PTPRD: variants seen among roughly 807,000 people sequenced by gnomAD.
The protein encoded by PTPRD is receptor-type tyrosine-protein phosphatase delta.
Under a neutral mutation model 214.5 loss-of-function variants are expected in PTPRD, and 34 were observed. The observed-to-expected ratio is 0.16, with a 90% confidence interval of 0.12 to 0.21. The LOEUF (loss-of-function observed/expected upper bound fraction) is 0.21. Ranked by LOEUF, PTPRD falls within the 10% of genes least tolerant of loss-of-function variation. PTPRD has a pLI of 1.00. For missense variants in PTPRD, 2,545 were observed against 2,398.7 expected (o/e 1.06, Z -1.27); for synonymous variants, 1,128 against 845.7 (o/e 1.33, Z -5.79).
intron 9 of PTPRD, among the ~76,000 whole-genome samples, chr9:9,393,672 C>T (rs1333765458): frequency 1.3e-5 from 2 of 152,136 alleles, no homozygotes; most frequent in Non-Finnish European, 1.5e-5. Flanking sequence ...TTAAATTCAG[C>T]CTCCATTATT....
intron 10 of PTPRD, among the ~76,000 whole-genome samples, chr9:9,050,896 G>C (rs1384116417): frequency 6.6e-6 from 1 of 152,142 alleles, no homozygotes; most frequent in Admixed American, 6.6e-5. Context: ...AAACACAATA[G>C]ATATAGGGTT....
chr9:10,518,669 A>G (rs933830734), intron 2 of PTPRD, among the ~76,000 whole-genome samples: 1 of 151,838 alleles, frequency 6.6e-6, no homozygotes, highest in Non-Finnish European at 1.5e-5. Flanking sequence ...AGTAGCTGGG[A>G]CTACAGGCGC....
intron 2 of PTPRD, among the ~76,000 whole-genome samples, chr9:10,378,206 G>A (rs976708816): frequency 6.6e-6 from 1 of 151,826 alleles, no homozygotes. Flanking sequence ...TAAATGTTCT[G>A]GTTATTTATC....
At chr9:9,956,612 C>T (rs923610582) in intron 4 of PTPRD, among the ~76,000 whole-genome samples, 1 of 151,942 alleles carries the variant, frequency 6.6e-6, no homozygotes, top group African/African-American at 2.4e-5. Flanking sequence ...GTATTAAATA[C>T]TTATTCTTCA....
chr9:9,298,312 T>G (rs1169854345), intron 9 of PTPRD, among the ~76,000 whole-genome samples: 1 of 151,676 alleles, frequency 6.6e-6, no homozygotes, highest in African/African-American at 2.4e-5. Flanking sequence ...CCTTTGTACA[T>G]GAAAAGATTT....
At chr9:9,642,173 C>G (rs899109695) in intron 7 of PTPRD, among the ~76,000 whole-genome samples, 1 of 143,924 alleles carries the variant, frequency 6.9e-6, no homozygotes, top group South Asian at 2.3e-4. Flanking sequence ...GAACAAAAAA[C>G]CAAACACCGT....
rs543916243 is a variant in PTPRD, at chr9:9,511,907, G to C, written c.-237+62825C>G. 7.9e-5 allele frequency among the ~76,000 whole-genome samples: 12 copies of C among 151,726 alleles called. No homozygotes were observed. In the Admixed American group the frequency reaches 7.9e-4, roughly 10 times the overall value. On this transcript the variant is annotated intron_variant, in intron 8 of 45. Transcript: ENST00000381196. Reference sequence around the variant, plus strand: ...AAGGATGAGCAAATTTTTCATAGAAGACCTAAAACTGCTATTTGCATTCTT... The same window carrying C: ...AAGGATGAGCAAATTTTTCATAGAACACCTAAAACTGCTATTTGCATTCTT...
At position 8,703,614 on chromosome 9, in the gene PTPRD, C is replaced by T. The variant is rs76710623; in HGVS notation, c.64+30166G>A. 3.9e-3 allele frequency among the ~76,000 whole-genome samples: 592 copies of T among 152,270 alleles called. 2 individuals are homozygous for T. The highest frequency in any genetic ancestry group is 0.014 in the African/African-American group (572 of 41,534). ...CTTTCTCTTTTCTCCTGTTTCCCCTCGACTTCTCATCCTCACCTCTATTAA... is the reference window on the plus strand; with the variant it reads ...CTTTCTCTTTTCTCCTGTTTCCCCTTGACTTCTCATCCTCACCTCTATTAA... On this transcript the variant is annotated intron_variant, in intron 12 of 45. Transcript: ENST00000381196.
chr9:10,095,806 T>C (rs1171574512), intron 3 of PTPRD, among the ~76,000 whole-genome samples: 1 of 151,572 alleles, frequency 6.6e-6, no homozygotes, highest in Admixed American at 6.6e-5. Flanking sequence ...GTATACATAA[T>C]AGTTTGAATG....
intron 11 of PTPRD, among the ~76,000 whole-genome samples, chr9:8,749,538 G>C (rs1055559743): frequency 3.7e-4 from 57 of 152,110 alleles, no homozygotes; most frequent in African/African-American, 1.3e-3. Context: ...AGACAAAAAT[G>C]ACATATTTTA....
At chr9:8,461,705 T>C (rs2096409049) in intron 32 of PTPRD, among the ~76,000 whole-genome samples, 1 of 151,976 alleles carries the variant, frequency 6.6e-6, no homozygotes, top group Non-Finnish European at 1.5e-5. Flanking sequence ...CTTTTATCTC[T>C]GGCTCTCTCA....
intron 7 of PTPRD, among the ~76,000 whole-genome samples, chr9:9,656,820 C>A (rs1157537762): frequency 6.6e-6 from 1 of 151,922 alleles, no homozygotes; most frequent in African/African-American, 2.4e-5. Context: ...ATGTACTTCT[C>A]TGGTGGGGGA....
chr9:9,924,106 T>C, intron 5 of PTPRD, among the ~76,000 whole-genome samples: 1 of 152,072 alleles, frequency 6.6e-6, no homozygotes, highest in Admixed American at 6.6e-5. Context: ...TATGTAGTCA[T>C]AATCATGTAA....
In PTPRD at chr9:9,396,405, T is replaced by C. The variant is rs572483167; in HGVS notation, c.-203+1044A>G. ...AATCAGAATCTGCGTTTTGAAAAGA[T>C]AGCCCACATTATTCATAGACATATT... On this transcript the variant is annotated intron_variant, in intron 9 of 45. Transcript: ENST00000381196. 2.0e-4 allele frequency among the ~76,000 whole-genome samples: 30 copies of C among 152,170 alleles called. No homozygotes were observed. The East Asian group carries it at 5.6e-3, about 28-fold the overall frequency.
chr9:10,060,739 A>T (rs1333108830), intron 3 of PTPRD, among the ~76,000 whole-genome samples: 1 of 151,592 alleles, frequency 6.6e-6, no homozygotes. Context: ...TTCAGTTTCT[A>T]TTTTCCCACC....
chr9:9,901,767 T>C (rs2076454624), intron 5 of PTPRD, among the ~76,000 whole-genome samples: 1 of 152,010 alleles, frequency 6.6e-6, no homozygotes, highest in African/African-American at 2.4e-5. Flanking sequence ...ATGGGAGGCA[T>C]GGCTGGGGAG....
intron 8 of PTPRD, among the ~76,000 whole-genome samples, chr9:9,525,198 A>G (rs775870631): frequency 6.6e-6 from 1 of 152,110 alleles, no homozygotes; most frequent in Non-Finnish European, 1.5e-5. Context: ...ATGCACAAAC[A>G]TCATGTTGTC....
chr9:8,499,370 G>A (rs2097345927), intron 25 of PTPRD, among the ~76,000 whole-genome samples: 1 of 152,044 alleles, frequency 6.6e-6, no homozygotes, highest in African/African-American at 2.4e-5. Context: ...AGTCAGAAAG[G>A]CAAACTCAAA....
chr9:9,824,836 T>C (rs1244340520), intron 5 of PTPRD, among the ~76,000 whole-genome samples: 1 of 152,040 alleles, frequency 6.6e-6, no homozygotes, highest in Non-Finnish European at 1.5e-5. Context: ...CATCACAAAA[T>C]ACAAACTGCT....
Sources: allele counts gnomAD v4.1 joint callset (sites outside exome capture counted in the v4.1 genomes callset), GRCh38; gene constraint gnomAD v4.1.1; transcripts MANE v1.5; gene names NCBI Gene and HGNC (gene_info 2026-07-23, HGNC 2026-07-21).